The following ITK variants were observed in gnomAD, a reference collection of about 807,000 sequenced individuals.
The protein encoded by ITK is IL2 inducible T cell kinase, also known as tyrosine-protein kinase ITK/TSK.
Under a neutral mutation model 87.6 loss-of-function variants are expected in ITK, and 45 were observed. The observed-to-expected ratio is 0.51, with a 90% CI of 0.40 to 0.66. The LOEUF is 0.66. Among genes scored for constraint, ITK ranks in the 30% least tolerant of loss-of-function variants. ITK has a pLI of 0.00. For missense variants in ITK, 605 were observed against 766.3 expected (o/e 0.79, Z 2.48); for synonymous variants, 303 against 273.6 (o/e 1.11, Z -1.06).
chr5:157,219,650 G>A (rs1363472766), intron 5 of ITK, among the ~76,000 whole-genome samples: 1 of 152,172 alleles, frequency 6.6e-6, no homozygotes, highest in African/African-American at 2.4e-5. Flanking sequence ...TGAGAGAAAT[G>A]TACTGAAACT....
intron 7 of ITK, among the ~76,000 whole-genome samples, chr5:157,231,061 TTC>T (rs1347479997): frequency 7.9e-5 from 12 of 152,202 alleles, no homozygotes; most frequent in African/African-American, 2.2e-4. Context: ...GTTGTCTAGT[TTC>T]AGGTGAGATC....
At chr5:157,184,937 A>C (rs952706807) in intron 1 of ITK, among the ~76,000 whole-genome samples, 2 of 152,072 alleles carry the variant, frequency 1.3e-5, no homozygotes, top group African/African-American at 2.4e-5. Context: ...GAACAAGAGA[A>C]ACAGTCAAGA....
chr5:157,211,781 C>T (rs1754196391), intron 3 of ITK, among the ~76,000 whole-genome samples: 1 of 152,088 alleles, frequency 6.6e-6, no homozygotes, highest in African/African-American at 2.4e-5. Flanking sequence ...GGTTTAAATC[C>T]CAGTCTGTCA....
chr5:157,199,704 A>G (rs1407093674), intron 1 of ITK: 1 of 152,108 alleles, frequency 6.6e-6, no homozygotes, highest in Non-Finnish European at 1.5e-5. Context: ...GTGAACTTCA[A>G]TTTTCTCATC....
At chr5:157,244,542 C>G (rs942469180) in intron 13 of ITK, 64 bp downstream of exon 13, 13 of 902,552 alleles carry the variant, frequency 1.4e-5, no homozygotes. Context: ...ACTGAAATGA[C>G]TGGGAACGCA....
In ITK at chr5:157,222,972, A is replaced by G; in HGVS notation, c.605A>G (p.Asp202Gly). ...LRRNEEYCLL[D>G]SSEIHWWRVQ... is the part of the protein sequence containing the mutation. ...CGCAACGAAGAGTACTGCCTGCTGG[A>G]CAGTTCTGAGATTCACTGGTGGAGA... The change falls in exon 6 of 17, where the codon GAC becomes GGC. Residue 202 changes from aspartate to glycine, a missense_variant. By Grantham distance (94) the Asp-to-Gly change is moderately conservative. Around this residue, in one of 3 missense-constraint regions of ITK, gnomAD observed 464 missense variants for 578.0 expected, o/e 0.80. Coordinates refer to ENST00000422843, the MANE Select transcript of ITK (RefSeq NM_005546.4). 6.2e-7 allele frequency: 1 copy of G among 1,614,084 alleles called. No individual in the cohort carries two copies. The highest frequency in any genetic ancestry group is 8.5e-7 in the Non-Finnish European group (1 of 1,180,010).
chr5:157,243,356 C>T (rs1209931199), intron 11 of ITK, among the ~76,000 whole-genome samples: 1 of 152,148 alleles, frequency 6.6e-6, no homozygotes, highest in African/African-American at 2.4e-5. Context: ...TGCAAGAACC[C>T]TTTCTTTAAT....
intron 1 of ITK, among the ~76,000 whole-genome samples, chr5:157,204,419 G>C (rs1052589681): frequency 5.3e-5 from 8 of 152,174 alleles, no homozygotes; most frequent in African/African-American, 1.9e-4. Context: ...AAAAATTGGG[G>C]ACCAGCGCAG....
intron 1 of ITK, among the ~76,000 whole-genome samples, chr5:157,185,426 A>G (rs567820356): frequency 2.6e-5 from 4 of 151,924 alleles, no homozygotes; most frequent in South Asian, 2.1e-4. Context: ...TTTTTTTAGT[A>G]GAGACGGGGT....
chr5:157,211,532 A>G lies in ITK; in HGVS notation c.325+164A>G, dbSNP rs1411326306. On this transcript the variant is annotated intron_variant, in intron 3 of 16. Coordinates refer to ENST00000422843, the MANE Select transcript of ITK (RefSeq NM_005546.4). ...TTCATCCTGGGCCCAGGAAGCAATA[A>G]CTGGTATCATTCAGGGATTGACCAA... 4.5e-6 allele frequency: 3 copies of G among 664,638 alleles called. No individual in the cohort carries two copies. The Admixed American group carries it at 6.4e-5, about 14-fold the overall frequency. The allele number at this position is 664,638 out of a possible 1,614,324, so 41.2% of individuals were successfully genotyped here. A position where few individuals can be genotyped will look rare whatever the true frequency, so the allele number is the denominator to read the frequency against.
At chr5:157,199,964 GT>G (rs1753932680) in intron 1 of ITK, among the ~76,000 whole-genome samples, 1 of 152,044 alleles carries the variant, frequency 6.6e-6, no homozygotes, top group Admixed American at 6.6e-5. Context: ...TAAACAACCT[GT>G]TTCTGGGTTG....
At chr5:157,226,061 C>T (rs1301691281) in intron 6 of ITK, among the ~76,000 whole-genome samples, 1 of 152,218 alleles carries the variant, frequency 6.6e-6, no homozygotes, top group African/African-American at 2.4e-5. Flanking sequence ...GTGGAAAGCA[C>T]ACAAGATGGG....
chr5:157,218,695 C>A (rs1221456708), intron 5 of ITK, among the ~76,000 whole-genome samples: 1 of 152,188 alleles, frequency 6.6e-6, no homozygotes, highest in African/African-American at 2.4e-5. Flanking sequence ...CTTGGGAAAT[C>A]AAATCCCAAG....
At chr5:157,184,842 G>T (rs181139081) in intron 1 of ITK, among the ~76,000 whole-genome samples, 3 of 149,790 alleles carry the variant, frequency 2.0e-5, no homozygotes, top group Non-Finnish European at 4.4e-5. Flanking sequence ...AACTGGAAAG[G>T]TTCTCCTATT....
chr5:157,210,411 G>A (rs1200344235), intron 2 of ITK, among the ~76,000 whole-genome samples: 5 of 151,924 alleles, frequency 3.3e-5, no homozygotes, highest in Admixed American at 6.6e-5. Flanking sequence ...GAAAATAAAA[G>A]GAATAGCATG....
intron 4 of ITK, among the ~76,000 whole-genome samples, chr5:157,217,205 G>C (rs969655046): frequency 6.6e-6 from 1 of 152,092 alleles, no homozygotes; most frequent in Non-Finnish European, 1.5e-5. Flanking sequence ...AAGAGAAAGA[G>C]AGAGGAGAAG....
chr5:157,186,270 T>A (rs1753639413), intron 1 of ITK, among the ~76,000 whole-genome samples: 1 of 152,100 alleles, frequency 6.6e-6, no homozygotes, highest in Admixed American at 6.5e-5. Context: ...AAATGGGTCT[T>A]CTGCAATGAA....
chr5:157,232,271 T>C, intron 7 of ITK, 69 bp from the exon 8 acceptor site: 2 of 1,075,602 alleles, frequency 1.9e-6, no homozygotes, highest in Non-Finnish European at 2.8e-6. Context: ...TTTTCTAGCA[T>C]TGTCTTTTAT....
At chr5:157,238,272 A>G in intron 9 of ITK, 81 bp downstream of exon 9, 1 of 1,037,994 alleles carries the variant, frequency 9.6e-7, no homozygotes. Flanking sequence ...CAACAAAGTT[A>G]GACAGTGCAA....
Sources: allele counts gnomAD v4.1 joint callset (sites outside exome capture counted in the v4.1 genomes callset), GRCh38; gene constraint gnomAD v4.1.1; regional missense constraint gnomAD v4.1.1; transcripts MANE v1.5; gene names NCBI Gene and HGNC (gene_info 2026-07-23, HGNC 2026-07-21).